SEC16B: variants seen among roughly 807,000 people sequenced by gnomAD.
The protein encoded by SEC16B is SEC16 homolog B, endoplasmic reticulum export factor.
A neutral mutation model predicts 141.8 loss-of-function variants in SEC16B; 115 were observed. The ratio of observed to expected loss-of-function variants is 0.81; its 90% CI spans 0.70 to 0.95. SEC16B has a LOEUF of 0.95. Among genes scored for constraint, SEC16B ranks in the 40% least tolerant of loss-of-function variants. The probability of loss-of-function intolerance (pLI) is 0.00; values close to 1 mark genes in which losing one functional copy is unlikely to be tolerated. For synonymous variants in SEC16B, 493 were observed against 492.5 expected (o/e 1.00, Z -0.01); for missense variants, 1,291 against 1,312.3 (o/e 0.98, Z 0.25).
At chr1:177,963,918 G>C (rs1160155801) in intron 5 of SEC16B, among the ~76,000 whole-genome samples, 1 of 152,186 alleles carries the variant, frequency 6.6e-6, no homozygotes, top group East Asian at 1.9e-4. Context: ...TGAGCTAGGT[G>C]ACATTTCTTG....
At chr1:177,975,249 C>T (rs539171214) in intron 1 of SEC16B, among the ~76,000 whole-genome samples, 99 of 152,328 alleles carry the variant, frequency 6.5e-4, no homozygotes, top group South Asian at 1.2e-3. Context: ...TGCTTTGTTC[C>T]ATGCAATATT....
intron 18 of SEC16B, among the ~76,000 whole-genome samples, chr1:177,938,970 G>C (rs2101914095): frequency 6.6e-6 from 1 of 152,360 alleles, no homozygotes; most frequent in South Asian, 2.1e-4. Flanking sequence ...CAAGGCATCA[G>C]GAGGCAGGGC....
chr1:177,966,812 T>A (rs925764608), intron 2 of SEC16B, among the ~76,000 whole-genome samples: 1 of 152,196 alleles, frequency 6.6e-6, no homozygotes, highest in Non-Finnish European at 1.5e-5. Flanking sequence ...CAACCTCAGA[T>A]GATCTGCCTG....
chr1:177,981,763 C>G (rs960821764), intron 1 of SEC16B, among the ~76,000 whole-genome samples: 5 of 152,120 alleles, frequency 3.3e-5, no homozygotes, highest in African/African-American at 1.2e-4. Flanking sequence ...GAGGTGCCTG[C>G]AGGACAATGT....
At chr1:177,982,876 A>G (rs1179114222) in intron 1 of SEC16B, among the ~76,000 whole-genome samples, 2 of 152,228 alleles carry the variant, frequency 1.3e-5, no homozygotes, top group Non-Finnish European at 2.9e-5. Context: ...GTTCCAATCA[A>G]TAACCATTTG....
At chr1:177,968,786 T>C (rs1282449621) in intron 1 of SEC16B, among the ~76,000 whole-genome samples, 1 of 152,194 alleles carries the variant, frequency 6.6e-6, no homozygotes, top group African/African-American at 2.4e-5. Flanking sequence ...TACCTGCTCC[T>C]CCTCCAGAGG....
At chr1:177,962,846 C>T (rs1402294836) in intron 5 of SEC16B, among the ~76,000 whole-genome samples, 1 of 152,054 alleles carries the variant, frequency 6.6e-6, no homozygotes, top group Admixed American at 6.6e-5. Context: ...GTGGCTCACA[C>T]CTGTAATCCC....
intron 15 of SEC16B, among the ~76,000 whole-genome samples, chr1:177,943,500 G>T (rs1181350392): frequency 1.3e-5 from 2 of 152,204 alleles, no homozygotes; most frequent in African/African-American, 4.8e-5. Flanking sequence ...GCTTTGTGTT[G>T]TGTGTGCATG....
At chr1:177,960,316 A>G (rs1250810713) in intron 8 of SEC16B, 26 bp downstream of exon 8, 1 of 1,499,004 alleles carries the variant, frequency 6.7e-7, no homozygotes, top group African/African-American at 1.4e-5. Flanking sequence ...AAAAGCCCTT[A>G]CTCAGCAGCT....
At chr1:177,965,400 G>GGTGTGTGTGTGTGTGTGTGT (rs71108021) in intron 3 of SEC16B, among the ~76,000 whole-genome samples, 2,945 of 151,096 alleles carry the variant, frequency 0.019, 98 homozygotes, top group African/African-American at 0.065. Context: ...GATGGGGATT[G>GGTGTGTGTGTGTGTGTGTGT]GTGTGTGTGT....
At chr1:177,956,323 AT>A (rs996304861) in intron 10 of SEC16B, among the ~76,000 whole-genome samples, 1 of 152,082 alleles carries the variant, frequency 6.6e-6, no homozygotes, top group Non-Finnish European at 1.5e-5. Context: ...TACATTTTAC[AT>A]TTTTTACATC....
chr1:177,933,342 T>C (rs749926681), intron 21 of SEC16B, 30 bp from the exon 22 acceptor site: 28 of 1,574,048 alleles, frequency 1.8e-5, no homozygotes, highest in Non-Finnish European at 2.4e-5. Context: ...TTTTATGACC[T>C]GCAGGTTGGC....
At chr1:177,949,464 C>T (rs1652001959) in intron 12 of SEC16B, among the ~76,000 whole-genome samples, 3 of 151,486 alleles carry the variant, frequency 2.0e-5, no homozygotes, top group South Asian at 2.1e-4. Context: ...TCTGTCTCCT[C>T]GCTGGTGATT....
chr1:177,977,510 T>C (rs1450673100), intron 1 of SEC16B, among the ~76,000 whole-genome samples: 1 of 152,212 alleles, frequency 6.6e-6, no homozygotes, highest in Non-Finnish European at 1.5e-5. Flanking sequence ...TGGGTAGTAT[T>C]TGTCCTTCAA....
At position 177,980,699 on chromosome 1, in the gene SEC16B, T is replaced by C. The variant is rs187790040; in HGVS notation, c.-59+3507A>G. ...AATAAGTGCTGGGAGAGGATGACAA[T>C]GAGAAGCAGATGTAATGCAAAGAAA... is the stretch of plus-strand genomic sequence containing the variant. On this transcript the variant is annotated intron_variant and NMD_transcript_variant, in intron 1 of 24. Coordinates refer to the SEC16B transcript ENST00000528461. Among the ~76,000 whole-genome samples the C allele has an allele frequency of 7.3e-4, 106 of 144,484 alleles. 1 individual carries two copies. The highest frequency in any genetic ancestry group is 6.6e-3 in the Admixed American group (92 of 13,956). The allele number at this position is 144,484 out of a possible 152,430, so 94.8% of individuals were successfully genotyped here. A position where few individuals can be genotyped will look rare whatever the true frequency, so the allele number is the denominator to read the frequency against.
chr1:177,971,485 C>T (rs1653952390), upstream of SEC16B: 1 of 152,184 alleles, frequency 6.6e-6, no homozygotes, highest in Non-Finnish European at 1.5e-5. Context: ...AGAACATGCA[C>T]ATTAACAGCA....
rs1364867973 is a variant in SEC16B, at chr1:177,932,703, C to T, written c.2927G>A (p.Gly976Asp). The change falls in exon 23 of 26, where the codon GGC (glycine) becomes GAC (aspartate). Residue 976 changes from glycine (G) to aspartate (D), a missense_variant. Physicochemically the swap from Gly to Asp is moderately conservative, Grantham distance 94 (BLOSUM62 -1). Around this residue, in one of 3 missense-constraint regions of SEC16B, gnomAD observed 605 missense variants for 614.1 expected, o/e 0.99. Transcript: ENST00000308284. ...PLPDVSAFSR[G>D]RGGGEGRGSA... Reference sequence around the variant, plus strand: ...AGGACGTGAGGTGACGGTACCTCTGCCCCTGGAGAAGGCACTAACATCCGG... The same window carrying T: ...AGGACGTGAGGTGACGGTACCTCTGTCCCTGGAGAAGGCACTAACATCCGG... 6.3e-7 allele frequency: 1 copy of T among 1,587,296 alleles called. No individual in the cohort carries two copies. The highest frequency in any genetic ancestry group is 8.6e-7 in the Non-Finnish European group (1 of 1,167,646).
rs369602689 is a variant in SEC16B at position 177,937,256 on chromosome 1, C to T, written c.2461G>A (p.Gly821Arg). 1.3e-5 allele frequency: 21 copies of T among 1,613,698 alleles called. No individual in the cohort carries two copies. Among genetic ancestry groups the T allele is most frequent in the Non-Finnish European group, 1.8e-5 (21 of 1,179,860 alleles). ...SSVAVTEATG[G>R]TVWEEMLQTH... ...TGCAGCATTTCCTCCCAGACTGTTC[C>T]TCCAGTGGCCTCTGTCACTGCCACG... Residue 821 changes from glycine to arginine, a missense_variant, in exon 19 of 26, where the codon GGA (glycine) becomes AGA (arginine). By Grantham distance (125) the Gly-to-Arg change is moderately radical (BLOSUM62 -2). Transcript: ENST00000308284.
At chr1:177,983,547 C>T (rs1397409151) in intron 1 of SEC16B, among the ~76,000 whole-genome samples, 2 of 152,076 alleles carry the variant, frequency 1.3e-5, no homozygotes, top group African/African-American at 2.4e-5. Flanking sequence ...AATCACCAAC[C>T]CATAAATACA....
Sources: allele counts gnomAD v4.1 joint callset (sites outside exome capture counted in the v4.1 genomes callset), GRCh38; gene constraint gnomAD v4.1.1; regional missense constraint gnomAD v4.1.1; transcripts MANE v1.5; gene names NCBI Gene and HGNC (gene_info 2026-07-23, HGNC 2026-07-21).